The following RAD51B variants were observed in gnomAD, a reference collection of about 807,000 sequenced individuals.
The protein encoded by RAD51B is DNA repair protein RAD51 homolog 2.
A neutral mutation model predicts 42.2 loss-of-function variants in RAD51B; 38 were observed. That is an observed-to-expected ratio of 0.90 (90% confidence interval 0.70 to 1.18). The LOEUF (loss-of-function observed/expected upper bound fraction) is 1.18, where lower values mean the gene tolerates loss of function less well. Among genes scored for constraint, RAD51B ranks in the 50% most tolerant of loss-of-function variants. The pLI is 0.00. For synonymous variants in RAD51B, 154 were observed against 145.2 expected, an observed-to-expected ratio of 1.06 and a Z score of -0.43; for missense variants, 373 against 400.7, an observed-to-expected ratio of 0.93 and a Z score of 0.59.
At chr14:68,455,410 A>C (rs1490496874) in intron 9 of RAD51B, among the ~76,000 whole-genome samples, 1 of 152,148 alleles carries the variant, frequency 6.6e-6, no homozygotes, top group African/African-American at 2.4e-5. Flanking sequence ...GAGTAACTCA[A>C]ATCAGTATGA....
chr14:68,023,187 T>G (rs1444787535), intron 7 of RAD51B, among the ~76,000 whole-genome samples: 4 of 152,220 alleles, frequency 2.6e-5, no homozygotes, highest in Admixed American at 6.5e-5. Flanking sequence ...ATGGGATTAC[T>G]GGGCCAATTG....
At chr14:68,128,207 G>T (rs767058151) in intron 7 of RAD51B, among the ~76,000 whole-genome samples, 25 of 152,320 alleles carry the variant, frequency 1.6e-4, no homozygotes, top group African/African-American at 5.3e-4. Flanking sequence ...TCCTTTGGAA[G>T]ATCAAACTTC....
intron 7 of RAD51B, among the ~76,000 whole-genome samples, chr14:68,218,945 C>T (rs2140959033): frequency 6.6e-6 from 1 of 152,256 alleles, no homozygotes; most frequent in Non-Finnish European, 1.5e-5. Context: ...GGTAAAGTAC[C>T]AAGTCTGGTG....
intron 7 of RAD51B, among the ~76,000 whole-genome samples, chr14:67,973,719 T>C (rs973632410): frequency 6.6e-6 from 1 of 152,186 alleles, no homozygotes; most frequent in Non-Finnish European, 1.5e-5. Flanking sequence ...TTGTCCTGAT[T>C]ACAGCTCTTT....
intron 7 of RAD51B, among the ~76,000 whole-genome samples, chr14:68,285,480 C>A (rs771289663): frequency 6.6e-6 from 1 of 152,178 alleles, no homozygotes; most frequent in Non-Finnish European, 1.5e-5. Flanking sequence ...TAGTGCCAGG[C>A]GGGTTGGTGA....
At chr14:68,053,244 C>T (rs953396252) in intron 7 of RAD51B, among the ~76,000 whole-genome samples, 2 of 152,044 alleles carry the variant, frequency 1.3e-5, no homozygotes, top group African/African-American at 4.8e-5. Context: ...GGCTATTTTT[C>T]CATAAGCGGT....
Position 68,484,416 on chromosome 14 carries a change from GGCGCGATCTCA to G in RAD51B, c.1036+16169_1036+16179del, listed in dbSNP as rs1341484607. Among the ~76,000 whole-genome samples the G allele has an allele frequency of 1.4e-4, 20 of 142,490 alleles. 1 individual carries two copies. The South Asian group carries it at 4.3e-3, about 30-fold the overall frequency. 93.5% of individuals were successfully genotyped at this position (142,490 alleles called of 152,430 possible). ...TCTGTCGCCCAGGCTGGAGTACAGT[GGCGCGATCTCA>G]GCTCACTGCAACCTCCGCCTTCCGG... On this transcript the variant is annotated intron_variant, in intron 10 of 10. Coordinates refer to the RAD51B transcript ENST00000487270.
chr14:67,823,655 T>C, intron 2 of RAD51B, 28 bp downstream of exon 2: 1 of 1,561,114 alleles, frequency 6.4e-7, no homozygotes, highest in South Asian at 1.1e-5. Context: ...TTTTTATTGA[T>C]AAGTTTTATG....
At chr14:68,170,722 C>G (rs952650379) in intron 7 of RAD51B, among the ~76,000 whole-genome samples, 1 of 152,084 alleles carries the variant, frequency 6.6e-6, no homozygotes, top group Non-Finnish European at 1.5e-5. Context: ...TTAATGGCAG[C>G]AGAATTGTTT....
chr14:68,572,765 ACCTTGACTT>A (rs1178219292), intron 10 of RAD51B, among the ~76,000 whole-genome samples: 5 of 152,028 alleles, frequency 3.3e-5, no homozygotes, highest in Non-Finnish European at 5.9e-5. Flanking sequence ...TCCCCTGCTG[ACCTTGACTT>A]CCCATCTCCA....
chr14:67,904,510 C>CTTTTTTT (rs3043929), intron 7 of RAD51B, among the ~76,000 whole-genome samples: 1 of 120,242 alleles, frequency 8.3e-6, no homozygotes, highest in Non-Finnish European at 1.7e-5. Flanking sequence ...GGAATGTTGA[C>CTTTTTTT]TTTTTTTTTT....
At chr14:68,513,981 C>T (rs1043939539) in intron 10 of RAD51B, among the ~76,000 whole-genome samples, 6 of 152,294 alleles carry the variant, frequency 3.9e-5, no homozygotes, top group South Asian at 2.1e-4. Context: ...AAGCAATCCA[C>T]GAGAACTGAA....
At chr14:68,261,052 T>A (rs907279079) in intron 7 of RAD51B, among the ~76,000 whole-genome samples, 2 of 152,244 alleles carry the variant, frequency 1.3e-5, no homozygotes, top group African/African-American at 4.8e-5. Flanking sequence ...ATAGAATCAA[T>A]TTTTTCTTAA....
intron 8 of RAD51B, among the ~76,000 whole-genome samples, chr14:68,318,093 A>C (rs967660858): frequency 3.3e-5 from 5 of 152,210 alleles, no homozygotes; most frequent in African/African-American, 4.8e-5. Flanking sequence ...TTCTGAATTC[A>C]TCAGGTGGTC....
intron 7 of RAD51B, among the ~76,000 whole-genome samples, chr14:68,075,567 A>G (rs950502011): frequency 5.3e-5 from 8 of 151,558 alleles, no homozygotes; most frequent in South Asian, 2.1e-4. Context: ...GGCACAAGTC[A>G]AGCACTCATG....
chr14:68,498,884 C>T (rs941538556), intron 10 of RAD51B, among the ~76,000 whole-genome samples: 8 of 152,184 alleles, frequency 5.3e-5, no homozygotes, highest in Admixed American at 6.5e-5. Context: ...GGAGGAAAGC[C>T]CTTCCCAGCA....
intron 5 of RAD51B, among the ~76,000 whole-genome samples, chr14:67,883,561 T>C (rs534111346): frequency 2.0e-5 from 3 of 152,280 alleles, no homozygotes; most frequent in African/African-American, 7.2e-5. Context: ...CATTTTCTTA[T>C]CTCTTTTAAG....
chr14:68,191,244 T>A (rs144005739), intron 7 of RAD51B, among the ~76,000 whole-genome samples: 2 of 152,278 alleles, frequency 1.3e-5, no homozygotes, highest in African/African-American at 4.8e-5. Flanking sequence ...GAACTGGTGA[T>A]TAACTGACAA....
chr14:68,161,577 T>C (rs1286458639), intron 7 of RAD51B, among the ~76,000 whole-genome samples: 1 of 152,226 alleles, frequency 6.6e-6, no homozygotes, highest in Non-Finnish European at 1.5e-5. Flanking sequence ...AAGAGACGAC[T>C]TTTTAAGTCT....
Sources: allele counts gnomAD v4.1 joint callset (sites outside exome capture counted in the v4.1 genomes callset), GRCh38; gene constraint gnomAD v4.1.1; transcripts MANE v1.5; gene names NCBI Gene and HGNC (gene_info 2026-07-23, HGNC 2026-07-21).